Variants in ABR observed in about 807,000 individuals in gnomAD.
The protein encoded by ABR is ABR activator of RhoGEF and GTPase.
Under a neutral mutation model 107.2 loss-of-function variants are expected in ABR, and 35 were observed. The ratio of observed to expected loss-of-function variants is 0.33; its 90% CI spans 0.25 to 0.43. The LOEUF (loss-of-function observed/expected upper bound fraction) is 0.43, where lower values mean the gene tolerates loss of function less well. Ranked by LOEUF, ABR falls within the 20% of genes least tolerant of loss-of-function variation. The probability of loss-of-function intolerance (pLI) is 1.00; values close to 1 mark genes in which losing one functional copy is unlikely to be tolerated. For missense variants in ABR, 815 were observed against 1,115.2 expected (o/e 0.73, Z 3.83); for synonymous variants, 498 against 462.0 (o/e 1.08, Z -1.00).
chr17:1,171,869 G>A (rs2041724594), intron 1 of ABR, among the ~76,000 whole-genome samples: 1 of 152,192 alleles, frequency 6.6e-6, no homozygotes, highest in African/African-American at 2.4e-5. Flanking sequence ...GGCGGAGGTT[G>A]CAGTGAGCCG....
intron 2 of ABR, 42 bp from the exon 3 acceptor site, chr17:1,100,777 A>C: frequency 6.3e-7 from 1 of 1,595,336 alleles, no homozygotes; most frequent in Non-Finnish European, 8.6e-7. Flanking sequence ...ATGAGCAAGG[A>C]GGCCAAAACC....
At position 1,005,055 on chromosome 17, in the gene ABR, A is replaced by T; in HGVS notation, c.*1025T>A. The T allele has an allele frequency of 2.5e-6, 1 of 398,924 alleles. No individual in the cohort carries two copies. The highest frequency in any genetic ancestry group is 4.4e-6 in the Non-Finnish European group (1 of 226,224). 24.7% of individuals were successfully genotyped at this position (398,924 alleles called of 1,614,324 possible). ...AAAGCCCCCACAACTTGCTCCTAAG[A>T]GCTGAGCTGCCTCCCCGCGACCCGG... On this transcript the variant is annotated 3_prime_UTR_variant, in exon 23 of 23. Transcript: ENST00000302538.
At chr17:1,091,352 G>A (rs1011021229) in intron 4 of ABR, among the ~76,000 whole-genome samples, 6 of 151,968 alleles carry the variant, frequency 3.9e-5, no homozygotes, top group South Asian at 4.1e-4. Flanking sequence ...AGCACCCTCC[G>A]GGAGAGAGAT....
chr17:1,064,433 T>C lies in ABR; in HGVS notation c.1182+2644A>G, dbSNP rs867138653. On this transcript the variant is annotated intron_variant, in intron 10 of 22. Transcript: ENST00000302538. ...CTGTTGTTATGTGAACTGAGGGCTATGCATGTTCCTCTAGCACTGCTGTTA... is the reference window on the plus strand; with the variant it reads ...CTGTTGTTATGTGAACTGAGGGCTACGCATGTTCCTCTAGCACTGCTGTTA... Among the ~76,000 whole-genome samples, 151 of 120,936 alleles carry C rather than the reference T, an allele frequency of 1.2e-3. 2 individuals carry two copies. Among genetic ancestry groups the C allele is most frequent in the Middle Eastern group, 6.1e-3 (1 of 164 alleles). The allele number at this position is 120,936 out of a possible 152,430, so 79.3% of individuals were successfully genotyped here.
At chr17:1,137,894 C>G (rs1013803095) in intron 1 of ABR, among the ~76,000 whole-genome samples, 1 of 151,636 alleles carries the variant, frequency 6.6e-6, no homozygotes, top group Admixed American at 6.6e-5. Flanking sequence ...ATGGTAAAAA[C>G]CACAATTACT....
chr17:1,117,147 T>C (rs1260397206), intron 2 of ABR, among the ~76,000 whole-genome samples: 4 of 90,918 alleles, frequency 4.4e-5, no homozygotes, highest in Non-Finnish European at 4.5e-5. Context: ...CCTGAGTTCC[T>C]CCCAGCGTTA....
At chr17:1,125,040 G>T in intron 2 of ABR, 143 bp downstream of exon 2, 1 of 812,854 alleles carries the variant, frequency 1.2e-6, no homozygotes, top group Non-Finnish European at 1.8e-6. Context: ...GCCAGGACGA[G>T]ATGACGAGGC....
chr17:1,026,010 G>A (rs1222151397), intron 16 of ABR, among the ~76,000 whole-genome samples: 3 of 152,212 alleles, frequency 2.0e-5, no homozygotes, highest in African/African-American at 2.4e-5. Flanking sequence ...CCCTGCTCCC[G>A]TGTCCACTGA....
intron 1 of ABR, among the ~76,000 whole-genome samples, chr17:1,153,443 G>GTGTCCA (rs2040889562): frequency 6.9e-6 from 1 of 145,568 alleles, no homozygotes; most frequent in Non-Finnish European, 1.5e-5. Flanking sequence ...GGAGGGCTGG[G>GTGTCCA]GGTCCAGGCA....
chr17:1,078,914 C>T lies in ABR; in HGVS notation c.700+416G>A, dbSNP rs923890468. The T allele has an allele frequency of 1.6e-5, 24 of 1,532,552 alleles. No homozygotes were observed. Among genetic ancestry groups the T allele is most frequent in the Admixed American group, 4.0e-5 (2 of 50,628 alleles). The allele number at this position is 1,532,552 out of a possible 1,614,324, so 94.9% of individuals were successfully genotyped here. Reference sequence around the variant, plus strand: ...GCAGCCATCGCTCCAGGCTCCCCGGCGCCCACCAGCAGCCCGGCCACTCAG... The same window carrying T: ...GCAGCCATCGCTCCAGGCTCCCCGGTGCCCACCAGCAGCCCGGCCACTCAG... On this transcript the variant is annotated intron_variant, in intron 6 of 22. Coordinates refer to ENST00000302538, the MANE Select transcript of ABR (RefSeq NM_021962.5). The surrounding 1 kb of genome is among the most constrained non-coding windows in gnomAD (Gnocchi z 7.5).
chr17:1,055,240 C>A (rs902064842), intron 14 of ABR: 1 of 152,128 alleles, frequency 6.6e-6, no homozygotes, highest in Non-Finnish European at 1.5e-5. Context: ...AAAGTGCAAT[C>A]CTACTTTGTG....
intron 1 of ABR, among the ~76,000 whole-genome samples, chr17:1,139,661 A>G (rs1055628450): frequency 1.3e-5 from 2 of 152,116 alleles, no homozygotes; most frequent in Non-Finnish European, 2.9e-5. Flanking sequence ...CTCATTTACA[A>G]TGGAGGAAAT....
chr17:1,196,794 A>G (rs967025102), intron 1 of ABR, among the ~76,000 whole-genome samples: 1 of 150,708 alleles, frequency 6.6e-6, no homozygotes, highest in Admixed American at 6.7e-5. Context: ...TCCCGGGTTC[A>G]TGCCATTCTC....
chr17:1,058,906 C>CTTTCCCCTCACAGA, intron 10 of ABR, 39 bp from the exon 11 acceptor site: 1 of 1,611,394 alleles, frequency 6.2e-7, no homozygotes, highest in Non-Finnish European at 8.5e-7. Context: ...CCCTCACACT[C>CTTTCCCCTCACAGA]GGGCCTTTCT....
At chr17:1,125,917 G>A (rs1036469108) in intron 1 of ABR, among the ~76,000 whole-genome samples, 3 of 152,170 alleles carry the variant, frequency 2.0e-5, no homozygotes, top group Non-Finnish European at 1.5e-5. Flanking sequence ...CACGGAGGAC[G>A]GAGCCCAAGG....
chr17:1,174,160 C>CTT (rs1598051734), intron 1 of ABR, among the ~76,000 whole-genome samples: 1 of 152,214 alleles, frequency 6.6e-6, no homozygotes, highest in South Asian at 2.1e-4. Context: ...AATTTCCTTC[C>CTT]TTTTCCCGAA....
chr17:1,032,905 C>A (rs538607945), intron 16 of ABR, among the ~76,000 whole-genome samples: 2 of 152,296 alleles, frequency 1.3e-5, no homozygotes, highest in Admixed American at 6.5e-5. Context: ...CCGTGGCAAC[C>A]GCGAACCAGG....
chr17:1,215,508 C>T (rs2042983283), intron 1 of ABR, among the ~76,000 whole-genome samples: 1 of 152,202 alleles, frequency 6.6e-6, no homozygotes, highest in Non-Finnish European at 1.5e-5. Flanking sequence ...CCCGAGGTGC[C>T]GGGATTGCGG....
rs1414787180 is a variant in ABR at position 1,200,287 on chromosome 17, C to T, written c.838+28506G>A. 1.3e-5 allele frequency among the ~76,000 whole-genome samples: 2 copies of T among 152,084 alleles called. No homozygotes were observed. The highest frequency in any genetic ancestry group is 2.9e-5 in the Non-Finnish European group (2 of 68,030). Reference sequence around the variant, plus strand: ...GGTCGGGGGCAGGCATGGTGACTCACGCCTGTAATCCCAACACTTTCGGAC... The same window carrying T: ...GGTCGGGGGCAGGCATGGTGACTCATGCCTGTAATCCCAACACTTTCGGAC... On this transcript the variant is annotated intron_variant, in intron 1 of 22. Coordinates refer to the ABR transcript ENST00000574139. This position sits in a 1 kb window ranked among gnomAD's most constrained non-coding sequence, Gnocchi z 4.1.
Sources: allele counts gnomAD v4.1 joint callset (sites outside exome capture counted in the v4.1 genomes callset), GRCh38; gene constraint gnomAD v4.1.1; non-coding constraint Gnocchi (gnomAD v3.1); transcripts MANE v1.5; gene names NCBI Gene and HGNC (gene_info 2026-07-23, HGNC 2026-07-21).